The following NOS1 variants were observed in gnomAD, a reference collection of about 807,000 sequenced individuals.
The protein encoded by NOS1 is NOS type I.
A neutral mutation model predicts 164.5 loss-of-function variants in NOS1; 51 were observed. The observed-to-expected ratio is 0.31, with a 90% CI of 0.25 to 0.39. The LOEUF is 0.39. Ranked by LOEUF, NOS1 falls within the 10% of genes least tolerant of loss-of-function variation. NOS1 has a pLI of 1.00. For missense variants in NOS1, 1,362 were observed against 1,885.6 expected, an observed-to-expected ratio of 0.72 and a Z score of 5.14; for synonymous variants, 719 against 745.8, an observed-to-expected ratio of 0.96 and a Z score of 0.59.
At chr12:117,255,573 G>A (rs996729496) in intron 16 of NOS1, among the ~76,000 whole-genome samples, 3 of 152,342 alleles carry the variant, frequency 2.0e-5, no homozygotes, top group Admixed American at 2.0e-4. Flanking sequence ...ATATCAGGGG[G>A]TGGCTGTGTT....
At chr12:117,309,457 A>G (rs1874319711) in intron 3 of NOS1, 13 of 850,788 alleles carry the variant, frequency 1.5e-5, no homozygotes, top group Non-Finnish European at 1.7e-5. Flanking sequence ...GTGCGCTGGC[A>G]GTGAAAGCTG....
At chr12:117,226,794 A>G in intron 23 of NOS1, 24 bp from the exon 24 acceptor site, 1 of 1,594,614 alleles carries the variant, frequency 6.3e-7, no homozygotes, top group African/African-American at 1.3e-5. Flanking sequence ...CAAGGCAGTC[A>G]GGGCCACCCA....
chr12:117,288,848 C>T (rs1872870644), intron 4 of NOS1, among the ~76,000 whole-genome samples: 1 of 152,086 alleles, frequency 6.6e-6, no homozygotes, highest in African/African-American at 2.4e-5. Flanking sequence ...AGAGGAGAGA[C>T]CACATGGAAC....
chr12:117,213,341 C>T lies in NOS1; in HGVS notation c.*1968G>A. 1 of 985,500 alleles carries T rather than the reference C, an allele frequency of 1.0e-6. No individual in the cohort carries two copies. The allele number at this position is 985,500 out of a possible 1,614,324, so 61.0% of individuals were successfully genotyped here. ...TTGCAGGAAAGGAGTTTAGAATGGG[C>T]TTCCCTTCAGGATTAGAAGGGGTGA... is the stretch of plus-strand genomic sequence containing the variant. On this transcript the variant is annotated 3_prime_UTR_variant, in exon 29 of 29. Coordinates refer to ENST00000317775, the MANE Select transcript of NOS1 (RefSeq NM_000620.5).
At chr12:117,361,060 G>A (rs1197180656) in intron 1 of NOS1, among the ~76,000 whole-genome samples, 1 of 152,134 alleles carries the variant, frequency 6.6e-6, no homozygotes, top group Non-Finnish European at 1.5e-5. Context: ...CACACCAGGG[G>A]CTCGGGCGGG....
At position 117,357,107 on chromosome 12, in the gene NOS1, G is replaced by T. The variant is rs111314595; in HGVS notation, c.-421+4405C>A. Reference sequence around the variant, plus strand: ...GGAGGCCAAGGCAGGCAGATGGCTTGAGCCCAGGAGTTTGAGTCTGGCCTG... The same window carrying T: ...GGAGGCCAAGGCAGGCAGATGGCTTTAGCCCAGGAGTTTGAGTCTGGCCTG... On this transcript the variant is annotated intron_variant, in intron 1 of 28. Transcript: ENST00000317775. Among the ~76,000 whole-genome samples the T allele has an allele frequency of 9.0e-3, 1,367 of 152,354 alleles. 19 individuals are homozygous for T. The highest frequency in any genetic ancestry group is 0.031 in the African/African-American group (1,291 of 41,586).
At chr12:117,224,887 C>T (rs964489820) in intron 25 of NOS1, 129 bp downstream of exon 25, 11 of 1,216,132 alleles carry the variant, frequency 9.0e-6, no homozygotes, top group East Asian at 2.3e-5. Flanking sequence ...TGGTGCTACA[C>T]GCCCCAGCTT....
intron 2 of NOS1, among the ~76,000 whole-genome samples, chr12:117,328,358 T>C (rs139980305): frequency 0.015 from 2,223 of 152,066 alleles, 57 homozygotes; most frequent in African/African-American, 0.051. Flanking sequence ...TTAGTGGAGA[T>C]GGGGTTTCAC....
At position 117,234,595 on chromosome 12, in the gene NOS1, C is replaced by T; in HGVS notation, c.3205G>A (p.Glu1069Lys). Reference sequence around the variant, plus strand: ...GCCGTGTTCCGCTCCTCCAGCAGTTCCACTTTCACCATCTGGTTGACAGGC... The same window carrying T: ...GCCGTGTTCCGCTCCTCCAGCAGTTTCACTTTCACCATCTGGTTGACAGGC... The part of the protein sequence containing the change: ...APPVNQMVKV[E>K]LLEERNTALG... Residue 1069 changes from glutamate to lysine, a missense_variant, in exon 21 of 29, where the codon GAA (glutamate) becomes AAA (lysine). Around this residue, in one of 4 missense-constraint regions of NOS1, gnomAD observed 737 missense variants for 1,030.3 expected, o/e 0.72. Transcript: ENST00000317775. The surrounding 1 kb of genome is among the most constrained non-coding windows in gnomAD (Gnocchi z 4.3). 6.2e-7 allele frequency: 1 copy of T among 1,613,986 alleles called. No individual in the cohort carries two copies. Among genetic ancestry groups the T allele is most frequent in the Non-Finnish European group, 8.5e-7 (1 of 1,179,916 alleles).
chr12:117,311,330 A>G, intron 3 of NOS1, 136 bp downstream of exon 3: 2 of 1,064,078 alleles, frequency 1.9e-6, no homozygotes, highest in Non-Finnish European at 2.6e-6. Context: ...TCGGCCTCCC[A>G]AGCTCTCCAG....
rs375767188 is a variant in NOS1, at chr12:117,263,876, G to A, written c.2222+13C>T. 8 of 1,610,028 alleles carry A rather than the reference G, an allele frequency of 5.0e-6. No individual in the cohort carries two copies. In the African/African-American group the frequency reaches 1.1e-4, roughly 22 times the overall value. ...GGGACATCCACCCCACCCGCCCACT[G>A]CACGAAACTTACTCTGCTAGCTTCT... On this transcript the variant is annotated intron_variant, in intron 13 of 28. Coordinates refer to ENST00000317775, the MANE Select transcript of NOS1 (RefSeq NM_000620.5).
intron 3 of NOS1, among the ~76,000 whole-genome samples, chr12:117,307,573 C>T (rs1874216990): frequency 6.6e-6 from 1 of 152,016 alleles, no homozygotes; most frequent in Non-Finnish European, 1.5e-5. Context: ...TGCTATGTTG[C>T]CCAGGCTGGT....
chr12:117,222,551 T>C (rs979820715), intron 26 of NOS1, among the ~76,000 whole-genome samples, 164 bp downstream of exon 26: 2 of 152,144 alleles, frequency 1.3e-5, no homozygotes, highest in African/African-American at 4.8e-5. Flanking sequence ...CTGTTAAATA[T>C]TTTACATAGA....
chr12:117,247,601 G>T, intron 17 of NOS1, 79 bp from the exon 18 acceptor site: 1 of 1,279,896 alleles, frequency 7.8e-7, no homozygotes. Context: ...GGGCTAAACT[G>T]TGTCCCCCCA....
At chr12:117,309,602 C>T (rs1325379565) in intron 3 of NOS1, among the ~76,000 whole-genome samples, 5 of 152,160 alleles carry the variant, frequency 3.3e-5, no homozygotes, top group African/African-American at 9.7e-5. Flanking sequence ...GAAATTCACA[C>T]GATTCCCTAG....
In NOS1 at chr12:117,247,372, C is replaced by T. The variant is rs780582225; in HGVS notation, c.2799G>A (p.Arg933=). 43 of 1,605,158 alleles carry T rather than the reference C, an allele frequency of 2.7e-5. No homozygotes were observed. The highest frequency in any genetic ancestry group is 3.6e-5 in the Non-Finnish European group (42 of 1,176,570). The stretch of plus-strand genomic sequence containing the variant: ...CCTTGAAGACCTTCTTGGCCCAGGT[C>T]CTGAAAGCCTCTTCCTGCCCACAGA... ...DELCGQEEAF[R]TWAKKVFKAA... is the part of the protein sequence containing the mutation. The change falls in exon 18 of 29, where the codon AGG becomes AGA. Residue 933 remains arginine, a synonymous_variant. Transcript: ENST00000317775.
chr12:117,238,982 G>A (rs545239276), intron 20 of NOS1, among the ~76,000 whole-genome samples: 14 of 152,280 alleles, frequency 9.2e-5, no homozygotes, highest in African/African-American at 2.4e-4. Context: ...CAGTCACTCC[G>A]ACCAGAGATG....
intron 2 of NOS1, among the ~76,000 whole-genome samples, chr12:117,313,172 C>G (rs535881552): frequency 6.6e-6 from 1 of 152,134 alleles, no homozygotes; most frequent in Non-Finnish European, 1.5e-5. Flanking sequence ...AGCATCTTCA[C>G]GACCACCAGC....
At chr12:117,339,719 T>C (rs1322920090) in intron 1 of NOS1, among the ~76,000 whole-genome samples, 1 of 152,178 alleles carries the variant, frequency 6.6e-6, no homozygotes, top group African/African-American at 2.4e-5. Flanking sequence ...AGATTAGAGC[T>C]AAAAAGACCA....
Sources: allele counts gnomAD v4.1 joint callset (sites outside exome capture counted in the v4.1 genomes callset), GRCh38; gene constraint gnomAD v4.1.1; regional missense constraint gnomAD v4.1.1; non-coding constraint Gnocchi (gnomAD v3.1); transcripts MANE v1.5; gene names NCBI Gene and HGNC (gene_info 2026-07-23, HGNC 2026-07-21).